The following GPLD1 variants were observed in gnomAD, a reference collection of about 807,000 sequenced individuals.
GPLD1 encodes phosphatidylinositol-glycan-specific phospholipase D.
GPLD1 carries 84 observed loss-of-function variants against 112.6 expected under a neutral mutation model. The ratio of observed to expected loss-of-function variants is 0.75; its 90% confidence interval spans 0.63 to 0.89. The LOEUF is 0.89. Among genes scored for constraint, GPLD1 ranks in the 40% least tolerant of loss-of-function variants. The probability of loss-of-function intolerance (pLI) is 0.00; values close to 1 mark genes in which losing one functional copy is unlikely to be tolerated. For missense variants in GPLD1, 1,044 were observed against 1,051.5 expected, an observed-to-expected ratio of 0.99 and a Z score of 0.10; for synonymous variants, 386 against 403.8, an observed-to-expected ratio of 0.96 and a Z score of 0.53.
At position 24,481,386 on chromosome 6, in the gene GPLD1, C is replaced by T. The variant is rs569867166; in HGVS notation, c.154-1427G>A. 7.3e-5 allele frequency among the ~76,000 whole-genome samples: 11 copies of T among 150,782 alleles called. No individual in the cohort carries two copies. The South Asian group carries it at 2.3e-3, about 32-fold the overall frequency. Reference sequence around the variant, plus strand: ...AATAAGAACTTACTAATAATGTGGACCATATATAGGTGCAACAAAGAAGTA... The same window carrying T: ...AATAAGAACTTACTAATAATGTGGATCATATATAGGTGCAACAAAGAAGTA... On this transcript the variant is annotated intron_variant, in intron 2 of 24. Transcript: ENST00000230036.
intron 17 of GPLD1, among the ~76,000 whole-genome samples, chr6:24,447,621 G>A (rs9393556): frequency 0.41 from 62,594 of 151,944 alleles, 13,198 homozygotes; most frequent in African/African-American, 0.48. Context: ...CAGTGTTTCT[G>A]TTTTACATGG....
At chr6:24,447,262 T>C (rs749556297) in intron 17 of GPLD1, among the ~76,000 whole-genome samples, 85 of 152,132 alleles carry the variant, frequency 5.6e-4, no homozygotes, top group Non-Finnish European at 9.1e-4. Context: ...TCCCAGCACT[T>C]TGGGACGCCG....
intron 24 of GPLD1, among the ~76,000 whole-genome samples, chr6:24,432,712 A>G (rs573175434): frequency 1.2e-4 from 19 of 152,356 alleles, no homozygotes; most frequent in African/African-American, 3.6e-4. Context: ...GAACAGGCAG[A>G]TAATAATACT....
intron 3 of GPLD1, 39 bp downstream of exon 3, chr6:24,479,842 T>C: frequency 9.0e-7 from 1 of 1,106,588 alleles, no homozygotes; most frequent in Non-Finnish European, 1.4e-6. Flanking sequence ...ATTAACCAAG[T>C]AAAAGTGACT....
At chr6:24,436,857 G>T in intron 21 of GPLD1, 121 bp from the exon 22 acceptor site, 1 of 998,288 alleles carries the variant, frequency 1.0e-6, no homozygotes, top group Non-Finnish European at 1.5e-6. Flanking sequence ...CCTTTAGTCG[G>T]CTGTGATTTC....
At chr6:24,437,414 G>A in intron 20 of GPLD1, 125 bp from the exon 21 acceptor site, 1 of 785,552 alleles carries the variant, frequency 1.3e-6, no homozygotes, top group Admixed American at 2.6e-5. Context: ...TTTCGGAGCT[G>A]GTCATCTCCG....
intron 10 of GPLD1, among the ~76,000 whole-genome samples, chr6:24,465,008 C>T (rs953339048): frequency 6.6e-6 from 1 of 151,046 alleles, no homozygotes; most frequent in Non-Finnish European, 1.5e-5. Flanking sequence ...GCCTGGCCAA[C>T]CAACATGGCA....
At chr6:24,446,458 CTGCCCTT>C (rs1420058592) in intron 18 of GPLD1, among the ~76,000 whole-genome samples, 2 of 152,118 alleles carry the variant, frequency 1.3e-5, no homozygotes, top group African/African-American at 2.4e-5. Context: ...CCACTGCCCT[CTGCCCTT>C]TGCAACAGAG....
At chr6:24,471,202 A>G (rs1763807064) in intron 7 of GPLD1, among the ~76,000 whole-genome samples, 1 of 152,222 alleles carries the variant, frequency 6.6e-6, no homozygotes, top group African/African-American at 2.4e-5. Context: ...TAACATTTTA[A>G]TTTATAACCC....
In GPLD1 at chr6:24,465,209, A is replaced by AAAAAG. The variant is rs1183805981; in HGVS notation, c.821+1466_821+1470dup. 3.4e-3 allele frequency among the ~76,000 whole-genome samples: 364 copies of AAAAAG among 107,242 alleles called. 3 individuals are homozygous for AAAAAG. Among genetic ancestry groups the AAAAAG allele is most frequent in the African/African-American group, 0.014 (297 of 21,912 alleles). 70.4% of individuals were successfully genotyped at this position (107,242 alleles called of 152,430 possible). A position where few individuals can be genotyped will look rare whatever the true frequency, so the allele number is the denominator to read the frequency against. On this transcript the variant is annotated intron_variant, in intron 10 of 24. Coordinates refer to ENST00000230036, the MANE Select transcript of GPLD1 (RefSeq NM_001503.4). Reference sequence around the variant, plus strand: ...AAGACTCTGTCTCAAAAAAAAAAAAAAAAAGAAAAGAAAAGAAAAGAAAAG... The same window carrying AAAAAG: ...AAGACTCTGTCTCAAAAAAAAAAAAAAAAAGAAAAGAAAAGAAAAGAAAAGAAAAG...
At chr6:24,495,120 GC>G in exon 1 of GPLD1, 1 of 1,374,872 alleles carries the variant, frequency 7.3e-7, no homozygotes, top group Non-Finnish European at 9.3e-7. Flanking sequence ...GCCCGGCCCG[GC>G]CCAGCTCCGC....
At chr6:24,436,842 T>G in intron 21 of GPLD1, 106 bp from the exon 22 acceptor site, 1 of 1,106,226 alleles carries the variant, frequency 9.0e-7, no homozygotes, top group Non-Finnish European at 1.3e-6. Flanking sequence ...ATAATATTAG[T>G]ATCTCCTTTA....
chr6:24,435,836 A>AAAAAAAAAAAAT (rs1427422814), intron 22 of GPLD1: 1 of 146,528 alleles, frequency 6.8e-6, no homozygotes, highest in Non-Finnish European at 1.5e-5. Context: ...AAAAAAAAAA[A>AAAAAAAAAAAAT]AAAAAAAAAA....
chr6:24,445,068 C>T (rs560165716), intron 20 of GPLD1, among the ~76,000 whole-genome samples: 65 of 151,972 alleles, frequency 4.3e-4, no homozygotes, highest in African/African-American at 1.5e-3. Flanking sequence ...TGCTCTGTTG[C>T]CCAGGCTGGA....
At chr6:24,451,936 C>T (rs1763104540) in intron 14 of GPLD1, among the ~76,000 whole-genome samples, 1 of 152,214 alleles carries the variant, frequency 6.6e-6, no homozygotes, top group South Asian at 2.1e-4. Context: ...TCCGGCCCTC[C>T]TACGGGCCAG....
chr6:24,445,907 G>C (rs1377526057), intron 18 of GPLD1, 76 bp from the exon 19 acceptor site: 3 of 1,025,200 alleles, frequency 2.9e-6, no homozygotes, highest in Non-Finnish European at 3.1e-6. Flanking sequence ...AGCAAGGAAA[G>C]GAAATGCACC....
At chr6:24,455,527 T>C (rs1356833942) in intron 13 of GPLD1, among the ~76,000 whole-genome samples, 1 of 152,152 alleles carries the variant, frequency 6.6e-6, no homozygotes, top group South Asian at 2.1e-4. Context: ...ATGTTGTTGT[T>C]GTTTTGTTTT....
At chr6:24,447,617 TTC>T (rs1762951269) in intron 17 of GPLD1, among the ~76,000 whole-genome samples, 1 of 152,120 alleles carries the variant, frequency 6.6e-6, no homozygotes. Context: ...TCCTCAGTGT[TTC>T]TGTTTTACAT....
Position 24,494,696 on chromosome 6 carries a change from C to T in GPLD1, n.239+271G>A, listed in dbSNP as rs4646828. 0.3 allele frequency among the ~76,000 whole-genome samples: 46,308 copies of T among 152,080 alleles called. 8,633 individuals are homozygous for T. Among genetic ancestry groups the T allele is most frequent in the Non-Finnish European group, 0.42 (28,503 of 67,944 alleles). The stretch of plus-strand genomic sequence containing the variant: ...GAAAAGTGAAAAGGTGACAGCAGTC[C>T]GCAGGTGCATCTACTGGCGAGCCTT... On this transcript the variant is annotated intron_variant and non_coding_transcript_variant, in intron 1 of 10. Coordinates refer to the GPLD1 transcript ENST00000474784.
Sources: allele counts gnomAD v4.1 joint callset (sites outside exome capture counted in the v4.1 genomes callset), GRCh38; gene constraint gnomAD v4.1.1; transcripts MANE v1.5; gene names NCBI Gene and HGNC (gene_info 2026-07-23, HGNC 2026-07-21).